Variants in MED13L observed in about 807,000 individuals in gnomAD.
MED13L encodes mediator of RNA polymerase II transcription subunit 13-like.
Under a neutral mutation model 220.9 loss-of-function variants are expected in MED13L, and 7 were observed. The ratio of observed to expected loss-of-function variants is 0.03; its 90% CI spans 0.02 to 0.06. The LOEUF is 0.06. Ranked by LOEUF, MED13L falls within the 10% of genes least tolerant of loss-of-function variation. The pLI is 1.00. For synonymous variants in MED13L, 1,011 were observed against 1,015.2 expected, an observed-to-expected ratio of 1.00 and a Z score of 0.08; for missense variants, 1,965 against 2,760.5, an observed-to-expected ratio of 0.71 and a Z score of 6.46.
Position 115,991,629 on chromosome 12 carries a change from G to A in MED13L, c.3325C>T (p.Leu1109Phe). 1 of 1,614,132 alleles carries A rather than the reference G, an allele frequency of 6.2e-7. No individual in the cohort carries two copies. The highest frequency in any genetic ancestry group is 8.5e-7 in the Non-Finnish European group (1 of 1,180,010). ...TCGGAGAGAATCAGGGTAACATAGA[G>A]GCTGTGGGCTTCGGGAATTGGCTGC... is the stretch of plus-strand genomic sequence containing the variant. ...TMQPIPEAHSLYVTLILSDSV... is the reference protein window; with the variant it reads ...TMQPIPEAHSFYVTLILSDSV... The change falls in exon 17 of 31, where the codon CTC becomes TTC. Residue 1109 changes from leucine (L) to phenylalanine (F), a missense_variant. Physicochemically the swap from Leu to Phe is conservative, Grantham distance 22. Around this residue, in one of 10 missense-constraint regions of MED13L, gnomAD observed 233 missense variants for 306.2 expected, o/e 0.76. Coordinates refer to ENST00000281928, the MANE Select transcript of MED13L (RefSeq NM_015335.5). This position sits in a 1 kb window ranked among gnomAD's most constrained non-coding sequence, Gnocchi z 7.7.
At chr12:115,977,346 G>A (rs912805816) in intron 23 of MED13L, among the ~76,000 whole-genome samples, 1 of 152,118 alleles carries the variant, frequency 6.6e-6, no homozygotes, top group Non-Finnish European at 1.5e-5. Context: ...ATTCATCATA[G>A]GGATTCAAAA....
At chr12:116,104,154 G>C (rs1051415184) in intron 3 of MED13L, among the ~76,000 whole-genome samples, 6 of 151,870 alleles carry the variant, frequency 4.0e-5, no homozygotes, top group Admixed American at 3.3e-4. Context: ...GGGATTACAG[G>C]CATGTGCAAC....
intron 1 of MED13L, among the ~76,000 whole-genome samples, chr12:116,272,140 TGA>T (rs1243854602): frequency 2.0e-5 from 3 of 152,236 alleles, no homozygotes; most frequent in Non-Finnish European, 4.4e-5. Context: ...TTCATTGAGA[TGA>T]GTTTCATCTC....
chr12:116,171,362 A>G (rs1879670635), intron 2 of MED13L, among the ~76,000 whole-genome samples: 1 of 152,244 alleles, frequency 6.6e-6, no homozygotes, highest in East Asian at 1.9e-4. Context: ...TTATGCAGCC[A>G]GCTCAAAATC....
intron 2 of MED13L, among the ~76,000 whole-genome samples, chr12:116,176,358 T>C (rs1880058431): frequency 6.6e-6 from 1 of 152,140 alleles, no homozygotes; most frequent in African/African-American, 2.4e-5. Flanking sequence ...CATATAACAG[T>C]GTCTGACTTA....
intron 18 of MED13L, 70 bp downstream of exon 18, chr12:115,987,039 G>T: frequency 6.7e-7 from 1 of 1,496,870 alleles, no homozygotes; most frequent in Non-Finnish European, 9.3e-7. Flanking sequence ...GGACTTGACA[G>T]TAACTAACGC....
chr12:116,013,900 G>A (rs1284160003), intron 8 of MED13L, among the ~76,000 whole-genome samples: 1 of 151,106 alleles, frequency 6.6e-6, no homozygotes, highest in African/African-American at 2.5e-5. Flanking sequence ...GATCTGTTAA[G>A]AGTTGTGGAG....
chr12:116,086,968 T>C (rs1406482216), intron 4 of MED13L, among the ~76,000 whole-genome samples: 2 of 152,164 alleles, frequency 1.3e-5, no homozygotes, highest in Non-Finnish European at 2.9e-5. Context: ...AAAATCAGTA[T>C]ACGATATGAC....
intron 4 of MED13L, among the ~76,000 whole-genome samples, chr12:116,050,887 C>T (rs1052984933): frequency 3.3e-5 from 5 of 151,884 alleles, no homozygotes; most frequent in South Asian, 2.1e-4. Flanking sequence ...TGCAGTGAGC[C>T]GAGATCATGC....
At chr12:116,006,096 T>C (rs943110504) in intron 12 of MED13L, 103 bp from the exon 13 acceptor site, 2 of 1,514,794 alleles carry the variant, frequency 1.3e-6, no homozygotes, top group Non-Finnish European at 9.1e-7. Flanking sequence ...CCTGTGAGTT[T>C]TTCCCTATGG....
rs146861935 is a variant in MED13L at position 115,987,025 on chromosome 12, G to A, written c.4114+84C>T. 2.1e-4 allele frequency: 282 copies of A among 1,359,878 alleles called. No individual in the cohort carries two copies. The African/African-American group carries it at 2.5e-3, about 12-fold the overall frequency. 84.2% of individuals were successfully genotyped at this position (1,359,878 alleles called of 1,614,324 possible). ...AAGACTCCCCTATTTTGTTAGTGAC[G>A]CAAGGACTTGACAGTAACTAACGCT... On this transcript the variant is annotated intron_variant, in intron 18 of 30. Transcript: ENST00000281928.
chr12:116,207,077 T>A (rs1454401792), intron 2 of MED13L, among the ~76,000 whole-genome samples: 2 of 151,934 alleles, frequency 1.3e-5, no homozygotes, highest in African/African-American at 4.8e-5. Flanking sequence ...TATGCCGCCA[T>A]GATGACGTTT....
chr12:116,220,747 T>C (rs910477908), intron 2 of MED13L, among the ~76,000 whole-genome samples: 9 of 152,162 alleles, frequency 5.9e-5, no homozygotes, highest in South Asian at 4.1e-4. Flanking sequence ...TATACATATA[T>C]TGGCAGAGGT....
intron 14 of MED13L, among the ~76,000 whole-genome samples, chr12:115,997,972 T>C (rs569176761): frequency 6.6e-6 from 1 of 152,358 alleles, no homozygotes; most frequent in Admixed American, 6.5e-5. Context: ...TCAGCTAGTT[T>C]GACAAATCCA....
At chr12:115,974,342 G>A (rs373008927) in intron 25 of MED13L, among the ~76,000 whole-genome samples, 5 of 152,256 alleles carry the variant, frequency 3.3e-5, no homozygotes, top group Admixed American at 1.3e-4. Flanking sequence ...TCTTTCTTTT[G>A]TGCAGATCTT....
chr12:116,109,644 T>C (rs751130270), intron 3 of MED13L, among the ~76,000 whole-genome samples: 3 of 152,366 alleles, frequency 2.0e-5, no homozygotes, highest in South Asian at 2.1e-4. Context: ...CCAAGAGCTT[T>C]ATTCTGGTAC....
In MED13L at chr12:115,972,262, A is replaced by G. The variant is rs769487919; in HGVS notation, c.5732-26T>C. 6.2e-6 allele frequency: 10 copies of G among 1,609,850 alleles called. No homozygotes were observed. In the Admixed American group the frequency reaches 1.7e-4, roughly 27 times the overall value. ...CTGAAATCAAATATCGCAGTCATAC[A>G]CAGTCTTTAGAAATTCATACTGATG... On this transcript the variant is annotated intron_variant, in intron 25 of 30. Transcript: ENST00000281928.
At chr12:116,063,958 G>A (rs563360051) in intron 4 of MED13L, among the ~76,000 whole-genome samples, 46 of 151,998 alleles carry the variant, frequency 3.0e-4, no homozygotes, top group Non-Finnish European at 5.0e-4. Context: ...TGAGGTGGCC[G>A]GATTGCTTGA....
intron 4 of MED13L, among the ~76,000 whole-genome samples, chr12:116,054,082 T>A (rs1868739906): frequency 6.6e-6 from 1 of 152,156 alleles, no homozygotes; most frequent in South Asian, 2.1e-4. Flanking sequence ...TGCCCCATTG[T>A]CCAGCAAGTT....
Sources: gnomAD v4.1 joint callset for allele counts (sites outside exome capture counted in the v4.1 genomes callset) on GRCh38, gnomAD v4.1.1 for gene constraint, gnomAD v4.1.1 regional missense constraint, Gnocchi (gnomAD v3.1) non-coding constraint, MANE v1.5 for transcripts, NCBI Gene and HGNC (gene_info 2026-07-23, HGNC 2026-07-21) for gene names.